The following MSH6 variants were observed in gnomAD, a reference collection of about 807,000 sequenced individuals.
MSH6 encodes DNA mismatch repair protein Msh6.
Under a neutral mutation model 119.1 loss-of-function variants are expected in MSH6, and 85 were observed. That is an observed-to-expected ratio of 0.71 (90% CI 0.60 to 0.85). MSH6 has a LOEUF of 0.85. Among genes scored for constraint, MSH6 ranks in the 40% least tolerant of loss-of-function variants. The pLI is 0.00. For missense variants in MSH6, 2,163 were observed against 1,655.3 expected (o/e 1.31, Z -5.32); for synonymous variants, 830 against 586.9 (o/e 1.41, Z -5.99).
At chr2:47,798,322 A>C (rs1186909275) in intron 3 of MSH6, among the ~76,000 whole-genome samples, 3 of 152,202 alleles carry the variant, frequency 2.0e-5, no homozygotes, top group African/African-American at 7.2e-5. Flanking sequence ...AACGTGTTTA[A>C]TACACCTACC....
chr2:47,794,050 A>G lies in MSH6; in HGVS notation c.458-1844A>G, dbSNP rs553734673. On this transcript the variant is annotated intron_variant, in intron 2 of 9. Coordinates refer to ENST00000234420, the MANE Select transcript of MSH6 (RefSeq NM_000179.3). ...GGCCCAGAATGATTTTTAAAAAGAG[A>G]TCAGTAAGGCCAGGCAGTGGTGGCT... Among the ~76,000 whole-genome samples, 10 of 37,730 alleles carry G rather than the reference A, an allele frequency of 2.7e-4. No homozygotes were observed. In the South Asian group the frequency reaches 0.013, roughly 48 times the overall value. The allele number at this position is 37,730 out of a possible 152,430, so 24.8% of individuals were successfully genotyped here. A position where few individuals can be genotyped will look rare whatever the true frequency, so the allele number is the denominator to read the frequency against.
Position 47,800,336 on chromosome 2 carries a change from C to T in MSH6, c.2353C>T (p.His785Tyr), listed in dbSNP as rs1572726859. The change falls in exon 4 of 10, where the codon CAT becomes TAT. Residue 785 changes from histidine (H) to tyrosine (Y), a missense_variant. Physicochemically the swap from His to Tyr is moderately conservative, Grantham distance 83. Coordinates refer to ENST00000234420, the MANE Select transcript of MSH6 (RefSeq NM_000179.3). ...KQWLCAPLCN[H>Y]YAINDRLDAI... ...ATGGCTTTGTGCCCCACTCTGTAAC[C>T]ATTATGCTATTAATGATCGTCTAGA... 6.2e-7 allele frequency: 1 copy of T among 1,614,036 alleles called. No homozygotes were observed. Among genetic ancestry groups the T allele is most frequent in the South Asian group, 1.1e-5 (1 of 91,060 alleles).
rs560035113 is a variant in MSH6 at position 47,796,084 on chromosome 2, AGTT to A, written c.627+25_627+27del. ...TGGAGGTGGGACACGGCAAGCATTC[AGTT>A]GTTATTTATGTTAGGGTGATGGGGG... On this transcript the variant is annotated intron_variant, in intron 3 of 9. Transcript: ENST00000234420. The A allele has an allele frequency of 1.9e-4, 305 of 1,613,662 alleles. 1 individual carries two copies. The African/African-American group carries it at 2.9e-3, about 16-fold the overall frequency.
intron 9 of MSH6, 63 bp downstream of exon 9, chr2:47,806,714 A>AG: frequency 6.4e-7 from 1 of 1,573,764 alleles, no homozygotes; most frequent in Non-Finnish European, 8.7e-7. Flanking sequence ...AAACAGTAAA[A>AG]GGGGAAGGGA....
intron 4 of MSH6, among the ~76,000 whole-genome samples, chr2:47,802,172 C>T (rs1669641160): frequency 6.6e-6 from 1 of 152,116 alleles, no homozygotes; most frequent in Non-Finnish European, 1.5e-5. Context: ...TTTCTGTAGC[C>T]AAATTGTCAA....
chr2:47,796,190 C>A (rs1669079474), intron 3 of MSH6, 127 bp downstream of exon 3: 1 of 948,158 alleles, frequency 1.1e-6, no homozygotes, highest in Non-Finnish European at 1.7e-6. Context: ...ATTATACATA[C>A]ATGCATACTT....
At position 47,804,830 on chromosome 2, in the gene MSH6, G is replaced by C. The variant is rs531673100; in HGVS notation, c.3439-80G>C. The C allele has an allele frequency of 5.3e-5, 57 of 1,065,602 alleles. No individual in the cohort carries two copies. The African/African-American group carries it at 8.1e-4, about 15-fold the overall frequency. 66.0% of individuals were successfully genotyped at this position (1,065,602 alleles called of 1,614,324 possible). ...TTGTTTTAGAGTGCCTAGCTCTTAC[G>C]TAAGGGTTCATAAGAAAGACAAAAG... On this transcript the variant is annotated intron_variant, in intron 5 of 9. Transcript: ENST00000234420.
At chr2:47,808,318 G>C, downstream of MSH6, 1 of 1,612,366 alleles carries the variant, frequency 6.2e-7, no homozygotes, top group Non-Finnish European at 8.5e-7. Context: ...TCAAGCAAGT[G>C]TGCTACATAC....
downstream of MSH6, chr2:47,806,969 C>T (rs768061728): frequency 3.4e-6 from 3 of 878,548 alleles, no homozygotes; most frequent in Admixed American, 2.0e-5. Flanking sequence ...TTTCCATTTT[C>T]TTTCTAGGAA....
chr2:47,799,261 T>C lies in MSH6; in HGVS notation c.1278T>C (p.Cys426=), dbSNP rs1669314939. Reference sequence around the variant, plus strand: ...CTCAGAACTTTGATCTTGTCATCTGTTACAAGGTGGGGAAATTTTATGAGC... The same window carrying C: ...CTCAGAACTTTGATCTTGTCATCTGCTACAAGGTGGGGAAATTTTATGAGC... ...IKSQNFDLVI[C]YKVGKFYELY... Residue 426 remains cysteine (C), a synonymous_variant, in exon 4 of 10, where the codon TGT becomes TGC. Coordinates refer to ENST00000234420, the MANE Select transcript of MSH6 (RefSeq NM_000179.3). The C allele has an allele frequency of 1.2e-6, 2 of 1,614,130 alleles. No individual in the cohort carries two copies. The highest frequency in any genetic ancestry group is 2.7e-5 in the African/African-American group (2 of 75,046).
rs774755404 is a variant in MSH6, at chr2:47,800,957, G to T, written c.2974G>T (p.Glu992Ter). 6.4e-7 allele frequency: 1 copy of T among 1,566,550 alleles called. No homozygotes were observed. The highest frequency in any genetic ancestry group is 8.6e-7 in the Non-Finnish European group (1 of 1,158,588). ...PENFTTRNLPEEYELKSTKKG... is the reference protein window; with the variant it reads ...PENFTTRNLP ...GAATTTCACCACTCGCAATTTGCCA[G>T]AAGAATACGAGTTGAAATCTACCAA... is the stretch of plus-strand genomic sequence containing the variant. Residue 992 changes from glutamate (E) to a stop codon, truncating the protein, a stop_gained, in exon 4 of 10, where the codon GAA becomes TAA. Transcript: ENST00000234420. LOFTEE classifies it high-confidence loss of function.
In MSH6 at chr2:47,805,141, C is replaced by A. The variant is rs56386437; in HGVS notation, c.3556+114C>A. On this transcript the variant is annotated intron_variant, in intron 6 of 9. Coordinates refer to ENST00000234420, the MANE Select transcript of MSH6 (RefSeq NM_000179.3). ...CTAATATTTGATTTTTCTGGTGTTA[C>A]TTTAAAAACATCACTTTTTAAGAAC... 26 of 761,752 alleles carry A rather than the reference C, an allele frequency of 3.4e-5. No homozygotes were observed. The East Asian group carries it at 5.3e-4, about 15-fold the overall frequency. The allele number at this position is 761,752 out of a possible 1,614,324, so 47.2% of individuals were successfully genotyped here. A position where few individuals can be genotyped will look rare whatever the true frequency, so the allele number is the denominator to read the frequency against.
intron 2 of MSH6, among the ~76,000 whole-genome samples, chr2:47,791,961 C>G: frequency 6.6e-6 from 1 of 152,124 alleles, no homozygotes; most frequent in Non-Finnish European, 1.5e-5. Flanking sequence ...ATTCTCCTTC[C>G]TCAGCCTCTA....
chr2:47,805,896 CATTA>C (rs1223110331), intron 7 of MSH6, among the ~76,000 whole-genome samples, 189 bp downstream of exon 7: 4 of 152,272 alleles, frequency 2.6e-5, no homozygotes, highest in South Asian at 4.1e-4. Context: ...TTTGATTACC[CATTA>C]ATTATTAGGC....
At chr2:47,806,751 C>CATCTT in intron 9 of MSH6, 28 bp from the exon 10 acceptor site, 1 of 1,444,230 alleles carries the variant, frequency 6.9e-7, no homozygotes, top group African/African-American at 1.5e-5. Flanking sequence ...AACAAAAAAA[C>CATCTT]TTTTTTTTTT....
intron 2 of MSH6, 68 bp downstream of exon 2, chr2:47,791,191 A>G (rs1668711850): frequency 4.2e-6 from 6 of 1,438,986 alleles, no homozygotes; most frequent in Non-Finnish European, 5.9e-6. Context: ...AAACAGACAG[A>G]CAGGCAGACT....
intron 5 of MSH6, among the ~76,000 whole-genome samples, chr2:47,803,910 G>A (rs530864912): frequency 6.6e-6 from 1 of 152,218 alleles, no homozygotes; most frequent in Non-Finnish European, 1.5e-5. Context: ...AAGGAGGTCA[G>A]TCATTCAGGT....
In MSH6 at chr2:47,800,848, A is replaced by G. The variant is rs758675720; in HGVS notation, c.2865A>G (p.Leu955=). 3 of 1,614,120 alleles carry G rather than the reference A, an allele frequency of 1.9e-6. No individual in the cohort carries two copies. The highest frequency in any genetic ancestry group is 1.7e-6 in the Non-Finnish European group (2 of 1,180,016). Residue 955 remains leucine, a synonymous_variant, in exon 4 of 10, where the codon CTA becomes CTG. Transcript: ENST00000234420. The part of the protein sequence containing the change: ...RENEQSLLEY[L]EKQRNRIGCR... ...ATGAACAGAGCCTCCTGGAATACCTAGAGAAACAGCGCAACAGAATTGGCT... is the reference window on the plus strand; with the variant it reads ...ATGAACAGAGCCTCCTGGAATACCTGGAGAAACAGCGCAACAGAATTGGCT...
chr2:47,803,784 A>G (rs990336990), intron 5 of MSH6, 99 bp downstream of exon 5: 2 of 1,417,554 alleles, frequency 1.4e-6, no homozygotes, highest in South Asian at 1.2e-5. Flanking sequence ...CATAAAAGTC[A>G]GCCAGTGACT....
Sources: gnomAD v4.1 joint callset for allele counts (sites outside exome capture counted in the v4.1 genomes callset) on GRCh38, gnomAD v4.1.1 for gene constraint, MANE v1.5 for transcripts, NCBI Gene and HGNC (gene_info 2026-07-23, HGNC 2026-07-21) for gene names.